SPACA5B: variants seen among roughly 807,000 people sequenced by gnomAD.
The protein encoded by SPACA5B is sperm acrosome-associated protein 5.
SPACA5B carries 1 observed loss-of-function variant against 4.1 expected under a neutral mutation model. The observed-to-expected ratio is 0.24, with a 90% CI of 0.09 to 1.15. The LOEUF (loss-of-function observed/expected upper bound fraction) is 1.15. Among genes scored for constraint, SPACA5B ranks in the 50% most tolerant of loss-of-function variants. SPACA5B has a pLI of 0.52. For missense variants in SPACA5B, 8 were observed against 42.6 expected (o/e 0.19, Z 2.26); for synonymous variants, 2 against 14.8 (o/e 0.13, Z 1.99).
intron 2 of SPACA5B, among the ~76,000 whole-genome samples, chrX:48,131,792 CTCCA>C (rs2059286058): frequency 4.9e-5 from 1 of 20,214 alleles, no homozygotes; most frequent in Admixed American, 5.4e-4. Flanking sequence ...AACAGATAAC[CTCCA>C]TGCAGAAATG....
chrX:48,130,953 CCTGA>C, intron 1 of SPACA5B, 121 bp downstream of exon 1: 3 of 160,059 alleles, frequency 1.9e-5, no homozygotes, highest in South Asian at 1.8e-4. Context: ...TGAGTCACTC[CCTGA>C]CTGACTATGC....
Position 48,131,260 on chromosome X carries a change from G to A in SPACA5B, c.146-1G>A. 1 of 1,167,489 alleles carries A rather than the reference G, an allele frequency of 8.6e-7. No individual in the cohort carries two copies. The highest frequency in any genetic ancestry group is 1.8e-5 in the South Asian group (1 of 54,936). On this transcript the variant is annotated splice_acceptor_variant, in intron 1 of 3. Transcript: ENST00000304270. LOFTEE classifies it high-confidence loss of function. ...CCCTGCCTCCCTTCTCCCTGCCCCAGGGCTGTGCATGGCTCATTATGAGAG... is the reference window on the plus strand; with the variant it reads ...CCCTGCCTCCCTTCTCCCTGCCCCAAGGCTGTGCATGGCTCATTATGAGAG...
chrX:48,131,265 G>A lies in SPACA5B; in HGVS notation c.150G>A (p.Leu50=), dbSNP rs2059284890. 2 of 1,171,608 alleles carry A rather than the reference G, an allele frequency of 1.7e-6. No homozygotes were observed. The highest frequency in any genetic ancestry group is 2.3e-5 in the Admixed American group (1 of 42,749). The change falls in exon 2 of 4, where the codon CTG becomes CTA. Residue 50 remains leucine (L), a synonymous_variant. Coordinates refer to ENST00000304270, the MANE Select transcript of SPACA5B (RefSeq NM_001079900.2). ...GYKGYGVGDW[L]CMAHYESGFD... Reference sequence around the variant, plus strand: ...CCTCCCTTCTCCCTGCCCCAGGGCTGTGCATGGCTCATTATGAGAGTGGCT... The same window carrying A: ...CCTCCCTTCTCCCTGCCCCAGGGCTATGCATGGCTCATTATGAGAGTGGCT...
rs2059285094 is a variant in SPACA5B at position 48,131,342 on chromosome X, T to C, written c.227T>C (p.Ile76Thr). The change falls in exon 2 of 4, where the codon ATT becomes ACT. Residue 76 changes from isoleucine to threonine, a missense_variant. Transcript: ENST00000304270. ...HNPDGSSEYGIFQLNSAWWCD... is the reference protein window; with the variant it reads ...HNPDGSSEYGTFQLNSAWWCD... ...CCTGATGGCAGCAGTGAATATGGCA[T>C]TTTCCAACTGAATTCTGCCTGGTGG... 1 of 1,208,533 alleles carries C rather than the reference T, an allele frequency of 8.3e-7. No individual in the cohort carries two copies. The highest frequency in any genetic ancestry group is 1.1e-6 in the Non-Finnish European group (1 of 893,785).
At chrX:48,131,118 C>T (rs1377337615) in intron 1 of SPACA5B, 143 bp from the exon 2 acceptor site, 6 of 400,716 alleles carry the variant, frequency 1.5e-5, no homozygotes, top group African/African-American at 1.3e-4. Flanking sequence ...GATGTCTCAC[C>T]AGAATCACCA....
rs1438362158 is a variant in SPACA5B at position 48,131,305 on chromosome X, G to T, written c.190G>T (p.Val64Leu). The T allele has an allele frequency of 3.3e-6, 4 of 1,194,093 alleles. No individual in the cohort carries two copies. The highest frequency in any genetic ancestry group is 4.5e-6 in the Non-Finnish European group (4 of 888,915). The change falls in exon 2 of 4, where the codon GTG (valine) becomes TTG (leucine). Residue 64 changes from valine (V) to leucine (L), a missense_variant. Coordinates refer to ENST00000304270, the MANE Select transcript of SPACA5B (RefSeq NM_001079900.2). ...TGAGAGTGGCTTTGACACCGCCTTC[G>T]TGGACCACAATCCTGATGGCAGCAG... Reference protein sequence around the residue: ...HYESGFDTAFVDHNPDGSSEY... With the variant: ...HYESGFDTAFLDHNPDGSSEY...
In SPACA5B at chrX:48,131,322, TG is replaced by T. The variant is rs1163797128; in HGVS notation, c.209del (p.Gly70AlafsTer10). 8.3e-7 allele frequency: 1 copy of T among 1,199,071 alleles called. No individual in the cohort carries two copies. The highest frequency in any genetic ancestry group is 2.2e-5 in the Admixed American group (1 of 44,668). ...CCGCCTTCGTGGACCACAATCCTGA[TG>T]GCAGCAGTGAATATGGCATTTTCCA... ...DTAFVDHNPDGSSEYGIFQLN... is the reference protein window; with the variant it reads ...DTAFVDHNPDXSSEYGIFQLN... On this transcript the variant is annotated frameshift_variant, in exon 2 of 4. Coordinates refer to ENST00000304270, the MANE Select transcript of SPACA5B (RefSeq NM_001079900.2). LOFTEE classifies it high-confidence loss of function.
intron 1 of SPACA5B, 69 bp from the exon 2 acceptor site, chrX:48,131,191 TC>T (rs2059284768): frequency 9.2e-6 from 7 of 758,211 alleles, no homozygotes; most frequent in African/African-American, 2.5e-5. Context: ...ATCCCTGTCC[TC>T]CCCCCATCCT....
intron 2 of SPACA5B, among the ~76,000 whole-genome samples, chrX:48,131,746 G>A (rs1424661810): frequency 4.5e-4 from 19 of 42,669 alleles, no homozygotes; most frequent in South Asian, 1.3e-3. Context: ...CCCAGGCCCC[G>A]AGGAAAGAAG....
intron 2 of SPACA5B, 53 bp downstream of exon 2, chrX:48,131,472 A>C: frequency 8.2e-7 from 1 of 1,212,879 alleles, no homozygotes. Context: ...ACTCTCCCAC[A>C]CATGGAGGGC....
At chrX:48,131,858 G>A (rs1355617530) in intron 2 of SPACA5B, among the ~76,000 whole-genome samples, 1 of 1,626 alleles carries the variant, frequency 6.2e-4, no homozygotes, top group Non-Finnish European at 1.7e-3. Flanking sequence ...TAGAATAGCC[G>A]TTAAAGTTGT....
In SPACA5B at chrX:48,132,337, A is replaced by G. The variant is rs1556917425; in HGVS notation, c.383+9A>G. Reference sequence around the variant, plus strand: ...AATGGGCTTTCTGCCTGGTAAGTTCATGGGGATGGCCCAGGCCATGGGCAG... The same window carrying G: ...AATGGGCTTTCTGCCTGGTAAGTTCGTGGGGATGGCCCAGGCCATGGGCAG... On this transcript the variant is annotated intron_variant, in intron 3 of 3. Transcript: ENST00000304270. 9 of 11,820 alleles carry G rather than the reference A, an allele frequency of 7.6e-4. No individual in the cohort carries two copies. Among genetic ancestry groups the G allele is most frequent in the South Asian group, 6.6e-3 (9 of 1,371 alleles). 1.0% of individuals were successfully genotyped at this position (11,820 alleles called of 1,213,427 possible). A position where few individuals can be genotyped will look rare whatever the true frequency, so the allele number is the denominator to read the frequency against.
chrX:48,130,813 G>A lies in SPACA5B; in HGVS notation c.126G>A (p.Lys42=). The change falls in exon 1 of 4, where the codon AAG becomes AAA. Residue 42 remains lysine, a synonymous_variant. Transcript: ENST00000304270. ...RLERAGLNGY[K]GYGVGDWLCM... is the part of the protein sequence containing the mutation. ...AGAGAGCAGGGCTGAACGGCTACAA[G>A]GGCTACGGCGTTGGAGACTGTGAGA... is the stretch of plus-strand genomic sequence containing the variant. The A allele has an allele frequency of 3.0e-5, 1 of 33,162 alleles. No homozygotes were observed. The highest frequency in any genetic ancestry group is 4.8e-5 in the Non-Finnish European group (1 of 20,659). The allele number at this position is 33,162 out of a possible 1,213,427, so 2.7% of individuals were successfully genotyped here. A position where few individuals can be genotyped will look rare whatever the true frequency, so the allele number is the denominator to read the frequency against.
In SPACA5B at chrX:48,132,250, A is replaced by T; in HGVS notation, c.305A>T (p.Asp102Val). Residue 102 changes from aspartate (D) to valine (V), a missense_variant and splice_region_variant, in exon 3 of 4, where the codon GAC becomes GTC. Physicochemically the swap from Asp to Val is radical, Grantham distance 152. Transcript: ENST00000304270. ...TKNLCHMDCH[D>V]LLNRHILDDI... ...ACCATGTCCCTCTCTTCCCCCTCAG[A>T]CCTGCTCAATCGCCATATTCTGGAT... 1 of 8,875 alleles carries T rather than the reference A, an allele frequency of 1.1e-4. No individual in the cohort carries two copies. Among genetic ancestry groups the T allele is most frequent in the East Asian group, 1.7e-3 (1 of 578 alleles). 0.7% of individuals were successfully genotyped at this position (8,875 alleles called of 1,213,427 possible). A position where few individuals can be genotyped will look rare whatever the true frequency, so the allele number is the denominator to read the frequency against.
At chrX:48,130,873 C>T in intron 1 of SPACA5B, 41 bp downstream of exon 1, 1 of 49,761 alleles carries the variant, frequency 2.0e-5, no homozygotes, top group Non-Finnish European at 3.1e-5. Context: ...AAACCCTGAG[C>T]CACCCGCCAC....
In SPACA5B at chrX:48,131,392, A is replaced by G; in HGVS notation, c.277A>G (p.Lys93Glu). 1 of 1,213,056 alleles carries G rather than the reference A, an allele frequency of 8.2e-7. No individual in the cohort carries two copies. The highest frequency in any genetic ancestry group is 1.1e-6 in the Non-Finnish European group (1 of 895,689). ...GTGTGACAATGGCATTACACCCACC[A>G]AGAACCTCTGCCACATGGATTGTCA... ...WWCDNGITPT[K>E]NLCHMDCHDL... The change falls in exon 2 of 4, where the codon AAG (lysine) becomes GAG (glutamate). Residue 93 changes from lysine (K) to glutamate (E), a missense_variant. Lys to Glu is a moderately conservative substitution (Grantham distance 56, BLOSUM62 1). Coordinates refer to ENST00000304270, the MANE Select transcript of SPACA5B (RefSeq NM_001079900.2).
Position 48,132,430 on chromosome X carries a change from C to A in SPACA5B, c.384-3C>A. 1.5e-4 allele frequency: 2 copies of A among 13,335 alleles called. No homozygotes were observed. 1.1% of individuals were successfully genotyped at this position (13,335 alleles called of 1,213,427 possible). A position where few individuals can be genotyped will look rare whatever the true frequency, so the allele number is the denominator to read the frequency against. On this transcript the variant is annotated splice_polypyrimidine_tract_variant and splice_region_variant and intron_variant, in intron 3 of 3. Transcript: ENST00000304270. Reference sequence around the variant, plus strand: ...ATCCTCTCTCCTTTCCTTCATTTCCCAGGACTTCTTGGAGGCTACACTGTT... The same window carrying A: ...ATCCTCTCTCCTTTCCTTCATTTCCAAGGACTTCTTGGAGGCTACACTGTT...
At chrX:48,131,188 T>C (rs1165269467) in intron 1 of SPACA5B, 73 bp from the exon 2 acceptor site, 2 of 727,114 alleles carry the variant, frequency 2.8e-6, no homozygotes, top group Non-Finnish European at 4.0e-6. Context: ...ACCATCCCTG[T>C]CCTCCCCCCA....
intron 2 of SPACA5B, 24 bp downstream of exon 2, chrX:48,131,443 T>C: frequency 8.2e-7 from 1 of 1,213,159 alleles, no homozygotes; most frequent in Non-Finnish European, 1.1e-6. Context: ...GGGGACCCAC[T>C]GAAGCCCTGC....
Sources: allele counts gnomAD v4.1 joint callset (sites outside exome capture counted in the v4.1 genomes callset), GRCh38; gene constraint gnomAD v4.1.1; transcripts MANE v1.5; gene names NCBI Gene and HGNC (gene_info 2026-07-23, HGNC 2026-07-21).